Variants in NLRC4 observed in about 807,000 individuals in gnomAD.
NLRC4 encodes NLR family CARD domain-containing protein 4.
NLRC4 carries 63 observed loss-of-function variants against 79.9 expected under a neutral mutation model. The observed-to-expected ratio is 0.79, with a 90% CI of 0.64 to 0.97. The LOEUF is 0.97. NLRC4 is among the 50% of genes least tolerant of loss of function. The pLI, the probability that NLRC4 is intolerant of heterozygous loss-of-function variation, is 0.00. For missense variants in NLRC4, 1,074 were observed against 1,215.2 expected (o/e 0.88, Z 1.73); for synonymous variants, 461 against 456.5 (o/e 1.01, Z -0.12).
chr2:32,259,290 T>TTTTTTTTTTG (rs1687283988), intron 1 of NLRC4, among the ~76,000 whole-genome samples: 1 of 131,034 alleles, frequency 7.6e-6, no homozygotes, highest in Admixed American at 8.3e-5. Flanking sequence ...TTTTTTTTTT[T>TTTTTTTTTTG]AGAGACAGAG....
intron 8 of NLRC4, among the ~76,000 whole-genome samples, chr2:32,232,533 T>C (rs1430950471): frequency 6.6e-6 from 1 of 152,222 alleles, no homozygotes; most frequent in Non-Finnish European, 1.5e-5. Context: ...CTTTCTTTAA[T>C]TAGAGACTCC....
intron 1 of NLRC4, among the ~76,000 whole-genome samples, chr2:32,261,011 T>G (rs1459662669): frequency 2.6e-5 from 4 of 151,744 alleles, no homozygotes; most frequent in African/African-American, 9.7e-5. Context: ...GCTAACAAGG[T>G]GAAACCCTGT....
intron 5 of NLRC4, among the ~76,000 whole-genome samples, chr2:32,239,948 T>C (rs1686756910): frequency 6.6e-6 from 1 of 152,186 alleles, no homozygotes; most frequent in Non-Finnish European, 1.5e-5. Context: ...ACGTAGGACA[T>C]ATAAGGAAAA....
At chr2:32,256,723 TA>T (rs1687214566) in intron 2 of NLRC4, 51 bp downstream of exon 2, 1 of 653,572 alleles carries the variant, frequency 1.5e-6, no homozygotes, top group African/African-American at 2.4e-5. Flanking sequence ...AAATCACCAG[TA>T]TTTGGTAGCA....
chr2:32,265,243 C>A (rs1236808181), upstream of NLRC4, among the ~76,000 whole-genome samples: 2 of 152,070 alleles, frequency 1.3e-5, no homozygotes, highest in Non-Finnish European at 2.9e-5. Context: ...GGCAGTGGCA[C>A]AATCTCAGCT....
At position 32,258,435 on chromosome 2, in the gene NLRC4, G is replaced by A. The variant is rs4952254; in HGVS notation, c.-118-1542C>T. ...AACATTTGGGCGCCAAGGCAGGAGT[G>A]CCTGTCCTCACCTAGGTCCGTGGGC... On this transcript the variant is annotated intron_variant, in intron 1 of 8. Coordinates refer to ENST00000402280, the MANE Select transcript of NLRC4 (RefSeq NM_001199138.2). Among the ~76,000 whole-genome samples, 580 of 152,316 alleles carry A rather than the reference G, an allele frequency of 3.8e-3. 10 individuals carry two copies. In the East Asian group the frequency reaches 0.058, roughly 15 times the overall value.
rs1686315746 is a variant in NLRC4 at position 32,224,517 on chromosome 2, C to A, written c.3031G>T (p.Asp1011Tyr). The A allele has an allele frequency of 1.2e-6, 2 of 1,612,612 alleles. No homozygotes were observed. Among genetic ancestry groups the A allele is most frequent in the East Asian group, 4.5e-5 (2 of 44,846 alleles). ...AAAGCACCTGTAATAACACTGAGAT[C>A]ATCATCATCAAATTGCCACCCAACA... is the stretch of plus-strand genomic sequence containing the variant. ...RLVGWQFDDD[D>Y]LSVITGAFKL... Residue 1011 changes from aspartate (D) to tyrosine (Y), a missense_variant, in exon 9 of 9, where the codon GAT becomes TAT. Physicochemically the swap from Asp to Tyr is radical, Grantham distance 160. Coordinates refer to ENST00000402280, the MANE Select transcript of NLRC4 (RefSeq NM_001199138.2).
intron 1 of NLRC4, among the ~76,000 whole-genome samples, chr2:32,258,373 T>C (rs893883638): frequency 2.6e-5 from 4 of 152,198 alleles, no homozygotes; most frequent in African/African-American, 9.6e-5. Context: ...AAGCATAGGA[T>C]GACGGTGTGG....
At chr2:32,234,253 G>C (rs1248909640) in intron 8 of NLRC4, among the ~76,000 whole-genome samples, 3 of 151,918 alleles carry the variant, frequency 2.0e-5, no homozygotes, top group African/African-American at 7.3e-5. Context: ...GTGGTGGCTG[G>C]CGCCTGTGGT....
At chr2:32,260,406 T>A (rs1378933905) in intron 1 of NLRC4, among the ~76,000 whole-genome samples, 2 of 152,132 alleles carry the variant, frequency 1.3e-5, no homozygotes, top group Admixed American at 1.3e-4. Context: ...TCTTTCTAAT[T>A]TCACAAGCTC....
chr2:32,239,311 T>C (rs1357264256), intron 5 of NLRC4, among the ~76,000 whole-genome samples: 1 of 151,996 alleles, frequency 6.6e-6, no homozygotes, highest in Non-Finnish European at 1.5e-5. Context: ...AAATAAAATA[T>C]ATGATTCTAA....
chr2:32,230,372 G>T (rs529064116), intron 8 of NLRC4, among the ~76,000 whole-genome samples: 1 of 152,088 alleles, frequency 6.6e-6, no homozygotes, highest in African/African-American at 2.4e-5. Flanking sequence ...CTCCCAGGCC[G>T]GAGTGCAGTG....
Position 32,250,782 on chromosome 2 carries a change from G to A in NLRC4, c.1082C>T (p.Thr361Met), listed in dbSNP as rs762565505. 15 of 1,614,030 alleles carry A rather than the reference G, an allele frequency of 9.3e-6. No homozygotes were observed. Among genetic ancestry groups the A allele is most frequent in the Admixed American group, 1.7e-5 (1 of 59,996 alleles). ...CAGATCATAGAAGGTATGGAACAGC[G>A]TTGTTTGTGTGTGAGAGTGGAACTC... is the stretch of plus-strand genomic sequence containing the variant. ...ESEFHSHTQTTLFHTFYDLLI... is the reference protein window; with the variant it reads ...ESEFHSHTQTMLFHTFYDLLI... The change falls in exon 4 of 9, where the codon ACG becomes ATG. Residue 361 changes from threonine to methionine, a missense_variant. Transcript: ENST00000402280. This position sits in a 1 kb window ranked among gnomAD's most constrained non-coding sequence, Gnocchi z 4.9.
At chr2:32,227,621 C>G (rs1351446152) in intron 8 of NLRC4, among the ~76,000 whole-genome samples, 1 of 152,144 alleles carries the variant, frequency 6.6e-6, no homozygotes, top group Non-Finnish European at 1.5e-5. Flanking sequence ...ATTTAAAGCC[C>G]ATTCCACCCT....
intron 1 of NLRC4, among the ~76,000 whole-genome samples, chr2:32,259,262 ATTTTTTTTTTTTTTT>A (rs57570626): frequency 1.5e-4 from 8 of 52,898 alleles, no homozygotes; most frequent in Non-Finnish European, 1.4e-4. Flanking sequence ...TGCCTGGCTA[ATTTTTTTTTTTTTTT>A]TTTTTTTTTT....
intron 8 of NLRC4, among the ~76,000 whole-genome samples, chr2:32,231,501 A>G (rs562664357): frequency 1.4e-5 from 2 of 139,138 alleles, no homozygotes; most frequent in African/African-American, 5.4e-5. Flanking sequence ...TTATTAGATA[A>G]TGTGATCTGC....
At chr2:32,226,700 G>A (rs930974627) in intron 8 of NLRC4, among the ~76,000 whole-genome samples, 1 of 152,166 alleles carries the variant, frequency 6.6e-6, no homozygotes, top group African/African-American at 2.4e-5. Context: ...GACCAACATG[G>A]AGAAACCCCG....
Position 32,231,595 on chromosome 2 carries a change from G to T in NLRC4, c.2782+3806C>A, listed in dbSNP as rs1416605051. 3.6e-5 allele frequency among the ~76,000 whole-genome samples: 4 copies of T among 110,108 alleles called. No homozygotes were observed. The South Asian group carries it at 1.3e-3, about 35-fold the overall frequency. The allele number at this position is 110,108 out of a possible 152,430, so 72.2% of individuals were successfully genotyped here. ...TTTGTGGGGGGGGGGTGGGGGACTG[G>T]GTGTCACTCTGTCACCCAAGCTGCA... On this transcript the variant is annotated intron_variant, in intron 8 of 8. Transcript: ENST00000402280.
At chr2:32,248,770 A>G (rs1004708415) in intron 4 of NLRC4, among the ~76,000 whole-genome samples, 1 of 152,180 alleles carries the variant, frequency 6.6e-6, no homozygotes, top group African/African-American at 2.4e-5. Context: ...AACCTCGAAA[A>G]AAAAAAAAAA....
Sources: allele counts gnomAD v4.1 joint callset (sites outside exome capture counted in the v4.1 genomes callset), GRCh38; gene constraint gnomAD v4.1.1; non-coding constraint Gnocchi (gnomAD v3.1); transcripts MANE v1.5; gene names NCBI Gene and HGNC (gene_info 2026-07-23, HGNC 2026-07-21).